HDAC9: variants seen among roughly 807,000 people sequenced by gnomAD.
The protein encoded by HDAC9 is MEF-2 interacting transcription repressor (MITR) protein.
HDAC9 carries 41 observed loss-of-function variants against 139.4 expected under a neutral mutation model. That is an observed-to-expected ratio of 0.29 (90% confidence interval 0.23 to 0.38). The LOEUF (loss-of-function observed/expected upper bound fraction) is 0.38. Ranked by LOEUF, HDAC9 falls within the 10% of genes least tolerant of loss-of-function variation. The pLI, the probability that HDAC9 is intolerant of heterozygous loss-of-function variation, is 1.00. For missense variants in HDAC9, 1,147 were observed against 1,297.0 expected, an observed-to-expected ratio of 0.88 and a Z score of 1.78; for synonymous variants, 517 against 476.2, an observed-to-expected ratio of 1.09 and a Z score of -1.12.
intron 22 of HDAC9, among the ~76,000 whole-genome samples, chr7:18,894,128 G>A (rs1489598149): frequency 6.6e-6 from 1 of 152,118 alleles, no homozygotes; most frequent in Non-Finnish European, 1.5e-5. Context: ...CAGGGTTTTG[G>A]GTCTGGGCAC....
At chr7:18,469,745 T>A (rs1243023978) in intron 1 of HDAC9, among the ~76,000 whole-genome samples, 1 of 152,096 alleles carries the variant, frequency 6.6e-6, no homozygotes, top group African/African-American at 2.4e-5. Context: ...AATGAGTGAG[T>A]TACAATTCCT....
At chr7:18,173,209 C>T (rs1262177602) in intron 2 of HDAC9, among the ~76,000 whole-genome samples, 1 of 152,092 alleles carries the variant, frequency 6.6e-6, no homozygotes, top group Non-Finnish European at 1.5e-5. Context: ...TATGTAATGG[C>T]CTGCTTTGTC....
intron 2 of HDAC9, among the ~76,000 whole-genome samples, chr7:18,205,366 T>C (rs1276607061): frequency 1.3e-5 from 2 of 152,042 alleles, no homozygotes; most frequent in Non-Finnish European, 2.9e-5. Flanking sequence ...TCAGGTCTTC[T>C]TTTCCAAAAA....
chr7:18,594,795 C>T (rs918039169), intron 6 of HDAC9, among the ~76,000 whole-genome samples: 1 of 152,002 alleles, frequency 6.6e-6, no homozygotes, highest in African/African-American at 2.4e-5. Flanking sequence ...TTCTAAATCT[C>T]AACGTTGTTT....
At chr7:18,903,800 T>C (rs1421532645) in intron 22 of HDAC9, among the ~76,000 whole-genome samples, 2 of 152,220 alleles carry the variant, frequency 1.3e-5, no homozygotes, top group East Asian at 3.8e-4. Context: ...TAGTCGAGAA[T>C]GTACCATTTG....
intron 1 of HDAC9, among the ~76,000 whole-genome samples, chr7:18,121,051 G>A (rs1784337964): frequency 6.6e-6 from 1 of 152,154 alleles, no homozygotes; most frequent in Admixed American, 6.5e-5. Flanking sequence ...AGAAAACTGT[G>A]TTTTACTTAC....
chr7:18,404,836 A>G (rs902240436), intron 1 of HDAC9, among the ~76,000 whole-genome samples: 2 of 152,234 alleles, frequency 1.3e-5, no homozygotes, highest in African/African-American at 4.8e-5. Context: ...GAAATGTATA[A>G]AAAGAAAGAT....
chr7:18,118,202 G>A (rs533085921), intron 1 of HDAC9, among the ~76,000 whole-genome samples: 5 of 152,320 alleles, frequency 3.3e-5, no homozygotes, highest in South Asian at 4.1e-4. Flanking sequence ...AATGAGCCAA[G>A]TAATCACATT....
chr7:18,195,175 A>G (rs960483387), intron 2 of HDAC9, among the ~76,000 whole-genome samples: 3 of 152,130 alleles, frequency 2.0e-5, no homozygotes, highest in Admixed American at 1.3e-4. Flanking sequence ...TTTTTGGACA[A>G]TAGACCTCTT....
intron 12 of HDAC9, among the ~76,000 whole-genome samples, chr7:18,675,292 T>C (rs1336944866): frequency 6.6e-6 from 1 of 152,040 alleles, no homozygotes; most frequent in African/African-American, 2.4e-5. Flanking sequence ...ATTGATTTTA[T>C]AGTTAGGCTG....
At chr7:18,823,494 C>A (rs1260260784) in intron 17 of HDAC9, among the ~76,000 whole-genome samples, 1 of 152,054 alleles carries the variant, frequency 6.6e-6, no homozygotes, top group Non-Finnish European at 1.5e-5. Context: ...ATCAGGATGG[C>A]AATTTTACCA....
chr7:18,487,430 T>A (rs559336796), intron 1 of HDAC9, among the ~76,000 whole-genome samples: 1 of 152,192 alleles, frequency 6.6e-6, no homozygotes, highest in East Asian at 1.9e-4. Flanking sequence ...AGTTAGGGGT[T>A]GAACTCCTAG....
intron 25 of HDAC9, among the ~76,000 whole-genome samples, chr7:18,988,399 C>T (rs1017648240): frequency 2.1e-4 from 32 of 151,870 alleles, no homozygotes; most frequent in Admixed American, 7.2e-4. Context: ...ATCCTGAGTT[C>T]TAGTTTGATT....
chr7:18,620,896 G>A (rs1288396993), intron 6 of HDAC9, among the ~76,000 whole-genome samples: 2 of 151,978 alleles, frequency 1.3e-5, no homozygotes, highest in African/African-American at 4.8e-5. Context: ...TAAACGTTAA[G>A]AATTAAATTT....
intron 1 of HDAC9, among the ~76,000 whole-genome samples, chr7:18,375,417 C>T (rs1222531496): frequency 6.6e-6 from 1 of 151,878 alleles, no homozygotes; most frequent in African/African-American, 2.4e-5. Context: ...TGCAGTGAGC[C>T]GAGATCACGC....
chr7:18,332,525 T>C (rs1031482825), intron 1 of HDAC9, among the ~76,000 whole-genome samples: 3 of 151,488 alleles, frequency 2.0e-5, no homozygotes, highest in Non-Finnish European at 4.4e-5. Flanking sequence ...TATTCCGTAA[T>C]TGGTCCAATA....
At chr7:18,415,430 A>G (rs1788962726) in intron 1 of HDAC9, among the ~76,000 whole-genome samples, 1 of 152,202 alleles carries the variant, frequency 6.6e-6, no homozygotes, top group Non-Finnish European at 1.5e-5. Flanking sequence ...CAGGAACCTC[A>G]CAACTTGGTC....
chr7:18,413,538 T>G (rs1431076908), intron 1 of HDAC9, among the ~76,000 whole-genome samples: 1 of 152,184 alleles, frequency 6.6e-6, no homozygotes, highest in African/African-American at 2.4e-5. Flanking sequence ...ACATCAACAG[T>G]ATGATAACAT....
At position 18,893,033 on chromosome 7, in the gene HDAC9, G is replaced by GAAAAAAAAAAAAAAAA. The variant is rs71960483; in HGVS notation, c.2803+18443_2803+18458dup. Among the ~76,000 whole-genome samples, 11 of 66,890 alleles carry GAAAAAAAAAAAAAAAA rather than the reference G, an allele frequency of 1.6e-4. 1 individual carries two copies. The highest frequency in any genetic ancestry group is 5.1e-4 in the East Asian group (1 of 1,962). 43.9% of individuals were successfully genotyped at this position (66,890 alleles called of 152,430 possible). A position where few individuals can be genotyped will look rare whatever the true frequency, so the allele number is the denominator to read the frequency against. On this transcript the variant is annotated intron_variant, in intron 22 of 25. Transcript: ENST00000686413. The stretch of plus-strand genomic sequence containing the variant: ...CAGTGTTTCAAGTAGGTAATAGGCC[G>GAAAAAAAAAAAAAAAA]AAAAAAAAAAAAAAAAAAAAAGAAA...
Sources: gnomAD v4.1 joint callset for allele counts (sites outside exome capture counted in the v4.1 genomes callset) on GRCh38, gnomAD v4.1.1 for gene constraint, MANE v1.5 for transcripts, NCBI Gene and HGNC (gene_info 2026-07-23, HGNC 2026-07-21) for gene names.